MED1: variants seen among roughly 807,000 people sequenced by gnomAD.
MED1 encodes mediator complex subunit 1, also known as mediator of RNA polymerase II transcription subunit 1.
MED1 carries 17 observed loss-of-function variants against 121.3 expected under a neutral mutation model. That is an observed-to-expected ratio of 0.14 (90% CI 0.10 to 0.21). MED1 has a LOEUF of 0.21. Ranked by LOEUF, MED1 falls within the 10% of genes least tolerant of loss-of-function variation. MED1 has a pLI of 1.00. For missense variants in MED1, 1,558 were observed against 1,919.4 expected, an observed-to-expected ratio of 0.81 and a Z score of 3.52; for synonymous variants, 661 against 694.4, an observed-to-expected ratio of 0.95 and a Z score of 0.76.
At chr17:39,410,900 A>T (rs1198103771) in intron 16 of MED1, among the ~76,000 whole-genome samples, 179 bp from the exon 17 acceptor site, 1 of 152,222 alleles carries the variant, frequency 6.6e-6, no homozygotes, top group Non-Finnish European at 1.5e-5. Flanking sequence ...TAAAAATCTA[A>T]CCCAACATAA....
chr17:39,427,849 A>G (rs2048529406), intron 9 of MED1, 59 bp from the exon 10 acceptor site: 2 of 1,047,348 alleles, frequency 1.9e-6, no homozygotes, highest in Admixed American at 4.6e-5. Flanking sequence ...ACACAGAAAA[A>G]CATTAACATT....
intron 3 of MED1, among the ~76,000 whole-genome samples, chr17:39,442,177 T>C: frequency 6.6e-6 from 1 of 152,100 alleles, no homozygotes; most frequent in East Asian, 1.9e-4. Flanking sequence ...GTTTTTACTT[T>C]CATTATTCCC....
In MED1 at chr17:39,407,343, A is replaced by G; in HGVS notation, c.*132T>C. On this transcript the variant is annotated 3_prime_UTR_variant, in exon 17 of 17. Transcript: ENST00000300651. Reference sequence around the variant, plus strand: ...ATGCCTTTCTAATTCACCCAGCTTGATGTCAAAGCCATGCCATTTAGGATT... The same window carrying G: ...ATGCCTTTCTAATTCACCCAGCTTGGTGTCAAAGCCATGCCATTTAGGATT... 3 of 1,424,490 alleles carry G rather than the reference A, an allele frequency of 2.1e-6. No homozygotes were observed. The highest frequency in any genetic ancestry group is 2.7e-6 in the Non-Finnish European group (3 of 1,093,498). 88.2% of individuals were successfully genotyped at this position (1,424,490 alleles called of 1,614,324 possible).
chr17:39,446,449 C>CAA lies in MED1; in HGVS notation c.132+1347_132+1348dup, dbSNP rs71300068. On this transcript the variant is annotated intron_variant, in intron 2 of 16. Transcript: ENST00000300651. ...TGGGTGACAAAGCGACACTCCATCT[C>CAA]AAAAAAAAAAAAAAAAAAACGATTT... Among the ~76,000 whole-genome samples, 163 of 61,916 alleles carry CAA rather than the reference C, an allele frequency of 2.6e-3. 2 individuals are homozygous for CAA. Among genetic ancestry groups the CAA allele is most frequent in the African/African-American group, 0.011 (146 of 13,600 alleles). 40.6% of individuals were successfully genotyped at this position (61,916 alleles called of 152,430 possible).
intron 11 of MED1, among the ~76,000 whole-genome samples, 200 bp downstream of exon 11, chr17:39,424,427 T>C (rs534104894): frequency 7.2e-5 from 11 of 152,314 alleles, no homozygotes; most frequent in African/African-American, 2.6e-4. Flanking sequence ...CTTCTTTCCC[T>C]TTCAGTGCAG....
intron 3 of MED1, among the ~76,000 whole-genome samples, chr17:39,443,237 T>G (rs2048696284): frequency 6.6e-6 from 1 of 151,698 alleles, no homozygotes; most frequent in South Asian, 2.1e-4. Flanking sequence ...CCTGACCTTG[T>G]GATCCGCCCA....
At chr17:39,415,490 A>T in intron 14 of MED1, 151 bp from the exon 15 acceptor site, 1 of 574,206 alleles carries the variant, frequency 1.7e-6, no homozygotes, top group Non-Finnish European at 3.1e-6. Context: ...CCTGGCCAAC[A>T]TGGCGAAACC....
rs2048323919 is a variant in MED1, at chr17:39,408,385, G to T, written c.3836C>A (p.Ser1279Tyr). The T allele has an allele frequency of 4.3e-6, 7 of 1,614,176 alleles. No individual in the cohort carries two copies. The highest frequency in any genetic ancestry group is 5.9e-6 in the Non-Finnish European group (7 of 1,180,048). ...ATGCTGGTTCTGAGAGGATGACATGGAAGAGCCACTTGAGGAAAAGGAGGA... is the reference window on the plus strand; with the variant it reads ...ATGCTGGTTCTGAGAGGATGACATGTAAGAGCCACTTGAGGAAAAGGAGGA... ...SSSSFSSSGSSMSSSQNQHGS... is the reference protein window; with the variant it reads ...SSSSFSSSGSYMSSSQNQHGS... The change falls in exon 17 of 17, where the codon TCC (serine) becomes TAC (tyrosine). Residue 1279 changes from serine to tyrosine, a missense_variant. Around this residue, in one of 5 missense-constraint regions of MED1, gnomAD observed 793 missense variants for 898.2 expected, o/e 0.88. Coordinates refer to ENST00000300651, the MANE Select transcript of MED1 (RefSeq NM_004774.4). This position sits in a 1 kb window ranked among gnomAD's most constrained non-coding sequence, Gnocchi z 4.7.
intron 10 of MED1, among the ~76,000 whole-genome samples, chr17:39,426,454 T>C (rs1286055156): frequency 6.6e-6 from 1 of 151,750 alleles, no homozygotes; most frequent in African/African-American, 2.4e-5. Flanking sequence ...CTTAAATAAA[T>C]AAATAAACAA....
chr17:39,440,727 AATGATATTCTT>A lies in MED1; in HGVS notation c.212-61_212-51del, dbSNP rs760083032. ...CACAAAGAATGCTCCAAATGACTTA[AATGATATTCTT>A]TTAAGACAGAAAGATTCATCCTTCC... On this transcript the variant is annotated intron_variant, in intron 3 of 16. Coordinates refer to ENST00000300651, the MANE Select transcript of MED1 (RefSeq NM_004774.4). The surrounding 1 kb of genome is among the most constrained non-coding windows in gnomAD (Gnocchi z 4.1). The A allele has an allele frequency of 1.0e-5, 15 of 1,497,526 alleles. No homozygotes were observed. The highest frequency in any genetic ancestry group is 1.4e-5 in the Non-Finnish European group (15 of 1,086,496). 92.8% of individuals were successfully genotyped at this position (1,497,526 alleles called of 1,614,324 possible).
Position 39,409,150 on chromosome 17 carries a change from T to C in MED1, c.3071A>G (p.His1024Arg). Residue 1024 changes from histidine (H) to arginine (R), a missense_variant, in exon 17 of 17, where the codon CAT becomes CGT. Transcript: ENST00000300651. Reference sequence around the variant, plus strand: ...GGTAAAAGGTCTGTTAGAAGAACTATGAGATGGAGACTTTCCCTCAGTGTC... The same window carrying C: ...GGTAAAAGGTCTGTTAGAAGAACTACGAGATGGAGACTTTCCCTCAGTGTC... ...KADTEGKSPS[H>R]SSSNRPFTPP... The C allele has an allele frequency of 6.2e-7, 1 of 1,613,924 alleles. No individual in the cohort carries two copies. The highest frequency in any genetic ancestry group is 8.5e-7 in the Non-Finnish European group (1 of 1,179,804).
intron 3 of MED1, 95 bp downstream of exon 3, chr17:39,443,455 C>A: frequency 1.0e-6 from 1 of 1,001,616 alleles, no homozygotes; most frequent in Non-Finnish European, 1.5e-6. Context: ...TAAAGTTGAC[C>A]TACCTCAATT....
chr17:39,441,663 G>A (rs765013067), intron 3 of MED1, among the ~76,000 whole-genome samples: 3 of 152,004 alleles, frequency 2.0e-5, no homozygotes, highest in Non-Finnish European at 2.9e-5. Flanking sequence ...CCACCCTCTC[G>A]GGAGGCTGAG....
chr17:39,414,472 A>T (rs185820261), intron 16 of MED1, among the ~76,000 whole-genome samples: 156 of 150,366 alleles, frequency 1.0e-3, no homozygotes, highest in Non-Finnish European at 2.0e-3. Context: ...AGTAGCTGGG[A>T]CTACAGGCGC....
chr17:39,450,016 G>A (rs1303294692), intron 1 of MED1, among the ~76,000 whole-genome samples: 2 of 151,168 alleles, frequency 1.3e-5, no homozygotes, highest in Non-Finnish European at 2.9e-5. Context: ...TTTTCTCCAT[G>A]TTGGTCAGGC....
At chr17:39,413,608 C>A (rs1395265265) in intron 16 of MED1, among the ~76,000 whole-genome samples, 2 of 151,968 alleles carry the variant, frequency 1.3e-5, no homozygotes, top group Non-Finnish European at 2.9e-5. Flanking sequence ...GTGGCTCACA[C>A]CTGCAGTACC....
chr17:39,416,898 T>G (rs1408649067), intron 14 of MED1, among the ~76,000 whole-genome samples: 1 of 152,096 alleles, frequency 6.6e-6, no homozygotes, highest in Non-Finnish European at 1.5e-5. Flanking sequence ...TTTGACTAGA[T>G]GTAGAGGTGC....
intron 6 of MED1, among the ~76,000 whole-genome samples, chr17:39,438,311 C>T (rs1278169280): frequency 1.4e-5 from 2 of 145,640 alleles, no homozygotes; most frequent in Non-Finnish European, 3.0e-5. Flanking sequence ...GCTGGGATTA[C>T]AGGTACCCAC....
intron 13 of MED1, among the ~76,000 whole-genome samples, chr17:39,421,204 T>A (rs1336796437): frequency 7.0e-6 from 1 of 142,700 alleles, no homozygotes; most frequent in African/African-American, 2.6e-5. Context: ...TCAGCCGAGA[T>A]CGTGCCACTG....
Sources: gnomAD v4.1 joint callset for allele counts (sites outside exome capture counted in the v4.1 genomes callset) on GRCh38, gnomAD v4.1.1 for gene constraint, gnomAD v4.1.1 regional missense constraint, Gnocchi (gnomAD v3.1) non-coding constraint, MANE v1.5 for transcripts, NCBI Gene and HGNC (gene_info 2026-07-23, HGNC 2026-07-21) for gene names.